The following MAF variants were observed in gnomAD, a reference collection of about 807,000 sequenced individuals.
MAF encodes the protein transcription factor Maf.
Under a neutral mutation model 22.0 loss-of-function variants are expected in MAF, and 10 were observed. That is an observed-to-expected ratio of 0.45 (90% CI 0.28 to 0.77). The LOEUF is 0.77. Among genes scored for constraint, MAF ranks in the 30% least tolerant of loss-of-function variants. MAF has a pLI of 0.12. For missense variants in MAF, 544 were observed against 548.4 expected (o/e 0.99, Z 0.08); for synonymous variants, 337 against 255.8 (o/e 1.32, Z -3.03).
At chr16:79,550,577 G>A in the MAF span, among the ~76,000 whole-genome samples, 1 of 152,154 alleles carries the variant, frequency 6.6e-6, no homozygotes, top group Admixed American at 6.5e-5. Flanking sequence ...ATGCAAAAAG[G>A]AGAGAAAATG....
the MAF span, among the ~76,000 whole-genome samples, chr16:79,489,260 G>C: frequency 0.12 from 17,661 of 151,652 alleles, 1,231 homozygotes; most frequent in African/African-American, 0.19. Context: ...TATTTATCCA[G>C]CAATTTATTC....
chr16:79,556,849 T>A, the MAF span, among the ~76,000 whole-genome samples: 1,915 of 152,300 alleles, frequency 0.013, 33 homozygotes, highest in African/African-American at 0.044. Flanking sequence ...AGAGTCATTG[T>A]AAGGACACAA....
the MAF span, among the ~76,000 whole-genome samples, chr16:79,333,228 T>C: frequency 6.6e-6 from 1 of 152,158 alleles, no homozygotes; most frequent in African/African-American, 2.4e-5. Context: ...GCTGTATCAC[T>C]TGGGGCTCAG....
chr16:79,467,538 G>A, the MAF span, among the ~76,000 whole-genome samples: 1 of 152,332 alleles, frequency 6.6e-6, no homozygotes, highest in African/African-American at 2.4e-5. Flanking sequence ...GTGTAAGTAG[G>A]ATGTGAACCC....
the MAF span, among the ~76,000 whole-genome samples, chr16:79,507,567 G>A: frequency 6.6e-6 from 1 of 151,946 alleles, no homozygotes; most frequent in African/African-American, 2.4e-5. Context: ...TGGGACTACA[G>A]GCGCCCACCA....
At chr16:79,411,327 C>G in the MAF span, among the ~76,000 whole-genome samples, 2 of 152,176 alleles carry the variant, frequency 1.3e-5, no homozygotes, top group Admixed American at 6.5e-5. Flanking sequence ...TCCCTATTGA[C>G]TTGGACATGA....
chr16:79,301,529 G>C, the MAF span, among the ~76,000 whole-genome samples: 3 of 152,130 alleles, frequency 2.0e-5, no homozygotes. Context: ...ATGAGACTAC[G>C]TGAGGATGTT....
At chr16:79,432,422 G>T in the MAF span, among the ~76,000 whole-genome samples, 1 of 152,082 alleles carries the variant, frequency 6.6e-6, no homozygotes, top group Non-Finnish European at 1.5e-5. Flanking sequence ...CCTATGATAA[G>T]ATTTAATTTA....
the MAF span, among the ~76,000 whole-genome samples, chr16:79,497,937 T>C: frequency 0.11 from 16,206 of 152,162 alleles, 1,056 homozygotes; most frequent in Admixed American, 0.21. Flanking sequence ...TCCTCTGAGC[T>C]CTCCCAGTTC....
the MAF span, among the ~76,000 whole-genome samples, chr16:79,447,489 A>G: frequency 6.6e-6 from 1 of 152,200 alleles, no homozygotes; most frequent in Non-Finnish European, 1.5e-5. Context: ...ACCAAGGAAT[A>G]ATTTTGAATT....
At chr16:79,358,534 A>C in the MAF span, among the ~76,000 whole-genome samples, 1 of 152,194 alleles carries the variant, frequency 6.6e-6, no homozygotes, top group South Asian at 2.1e-4. Flanking sequence ...CAGGGTAGAT[A>C]GAGGAGCGTG....
the MAF span, among the ~76,000 whole-genome samples, chr16:79,394,410 G>C: frequency 6.6e-6 from 1 of 152,066 alleles, no homozygotes; most frequent in African/African-American, 2.4e-5. Context: ...GGCCAAATTG[G>C]TTCCTCCCTC....
the MAF span, among the ~76,000 whole-genome samples, chr16:79,357,088 C>A: frequency 6.6e-6 from 1 of 152,184 alleles, no homozygotes; most frequent in Non-Finnish European, 1.5e-5. Flanking sequence ...GAAACCCCAT[C>A]TCTACTAGAA....
chr16:79,455,574 T>G, the MAF span, among the ~76,000 whole-genome samples: 1 of 152,308 alleles, frequency 6.6e-6, no homozygotes, highest in South Asian at 2.1e-4. Flanking sequence ...AATTTACCAG[T>G]AAATAACTTG....
chr16:79,544,017 G>C, the MAF span, among the ~76,000 whole-genome samples: 8 of 152,128 alleles, frequency 5.3e-5, no homozygotes, highest in African/African-American at 1.9e-4. Flanking sequence ...AAGGTAGAGA[G>C]ACAGACACCA....
chr16:79,480,486 G>C, the MAF span, among the ~76,000 whole-genome samples: 1 of 152,166 alleles, frequency 6.6e-6, no homozygotes, highest in Non-Finnish European at 1.5e-5. Context: ...CCACAGCTCA[G>C]AAGTGTGGAA....
chr16:79,417,044 A>C, the MAF span, among the ~76,000 whole-genome samples: 29 of 152,284 alleles, frequency 1.9e-4, no homozygotes, highest in African/African-American at 7.0e-4. Flanking sequence ...TTCCCAAGAC[A>C]TGCTATGAGC....
chr16:79,281,208 C>A, the MAF span, among the ~76,000 whole-genome samples: 2 of 127,716 alleles, frequency 1.6e-5, no homozygotes. Context: ...ATACATTTAA[C>A]CAATAGTTTC....
chr16:79,427,664 G>A, the MAF span, among the ~76,000 whole-genome samples: 3 of 151,872 alleles, frequency 2.0e-5, no homozygotes, highest in African/African-American at 7.3e-5. Flanking sequence ...TCCACTTTCT[G>A]CCTCTCCTTT....
Sources: gnomAD v4.1 joint callset for allele counts (sites outside exome capture counted in the v4.1 genomes callset) on GRCh38, gnomAD v4.1.1 for gene constraint, MANE v1.5 for transcripts, NCBI Gene and HGNC (gene_info 2026-07-23, HGNC 2026-07-21) for gene names.